GNAO1: variants seen among roughly 807,000 people sequenced by gnomAD.
The protein encoded by GNAO1 is G protein subunit alpha o1, also known as guanine nucleotide-binding protein G(o) subunit alpha.
For synonymous variants in GNAO1, 164 were observed against 180.7 expected, an observed-to-expected ratio of 0.91 and a Z score of 0.74; for missense variants, 166 against 478.7, an observed-to-expected ratio of 0.35 and a Z score of 6.10.
intron 2 of GNAO1, among the ~76,000 whole-genome samples, chr16:56,205,552 T>C (rs1401688999): frequency 6.6e-6 from 1 of 152,228 alleles, no homozygotes; most frequent in Non-Finnish European, 1.5e-5. Context: ...CCATTCTTCC[T>C]ACTCTTAATT....
intron 6 of GNAO1, chr16:56,346,988 A>C: frequency 3.0e-6 from 3 of 985,416 alleles, no homozygotes; most frequent in Non-Finnish European, 3.6e-6. Flanking sequence ...GTTAGCACCC[A>C]GGGGTTGATT....
rs369316126 is a variant in GNAO1, at chr16:56,257,177, G to C, written c.162-18754G>C. ...GAAGGCTGAAAGGGGACTGGGTTTG[G>C]GGGGGGGAAATTAGAAGTTCAGTTA... On this transcript the variant is annotated intron_variant, in intron 2 of 8. Coordinates refer to ENST00000262493, the MANE Select transcript of GNAO1 (RefSeq NM_020988.3). Among the ~76,000 whole-genome samples, 26 of 151,608 alleles carry C rather than the reference G, an allele frequency of 1.7e-4. No individual in the cohort carries two copies. The East Asian group carries it at 1.9e-3, about 11-fold the overall frequency.
intron 6 of GNAO1, among the ~76,000 whole-genome samples, chr16:56,338,879 C>T (rs948637162): frequency 5.9e-5 from 9 of 152,358 alleles, no homozygotes; most frequent in African/African-American, 2.2e-4. Flanking sequence ...ACTTGCCCTC[C>T]GGTCTTCTCC....
At chr16:56,314,737 C>G (rs974505671) in intron 3 of GNAO1, among the ~76,000 whole-genome samples, 5 of 152,176 alleles carry the variant, frequency 3.3e-5, no homozygotes, top group Non-Finnish European at 7.4e-5. Flanking sequence ...AATGTTAACA[C>G]TGTTAGGAAG....
intron 2 of GNAO1, among the ~76,000 whole-genome samples, chr16:56,254,241 C>A (rs1374898735): frequency 2.6e-5 from 4 of 152,012 alleles, no homozygotes; most frequent in African/African-American, 9.7e-5. Context: ...TCTCTGTTAT[C>A]TTAATTTTTG....
rs140264708 is a variant in GNAO1, at chr16:56,331,590, G to A, written c.464+2799G>A. Among the ~76,000 whole-genome samples the A allele has an allele frequency of 4.0e-3, 603 of 152,058 alleles. 4 individuals carry two copies. The highest frequency in any genetic ancestry group is 0.014 in the African/African-American group (567 of 41,460). On this transcript the variant is annotated intron_variant, in intron 4 of 8. Coordinates refer to ENST00000262493, the MANE Select transcript of GNAO1 (RefSeq NM_020988.3). ...TCACTCCCAGCCCCCGCCTCCTCTC[G>A]GGCCGCCCTTTCCAGACTCCCTCGA...
chr16:56,321,152 G>A (rs558815565), intron 3 of GNAO1, among the ~76,000 whole-genome samples: 1 of 152,290 alleles, frequency 6.6e-6, no homozygotes, highest in East Asian at 1.9e-4. Flanking sequence ...CAGGAGGTAG[G>A]CCACACATTA....
chr16:56,232,427 A>G (rs1239450708), intron 2 of GNAO1, among the ~76,000 whole-genome samples: 1 of 152,178 alleles, frequency 6.6e-6, no homozygotes, highest in East Asian at 1.9e-4. Context: ...CTCCCCTCAG[A>G]AGAGTTGTAA....
chr16:56,331,857 A>G (rs2037691812), intron 4 of GNAO1, among the ~76,000 whole-genome samples: 1 of 152,086 alleles, frequency 6.6e-6, no homozygotes, highest in Non-Finnish European at 1.5e-5. Flanking sequence ...AATGAGTCTC[A>G]AGTTAACATG....
chr16:56,338,381 C>T (rs564568630), intron 6 of GNAO1, among the ~76,000 whole-genome samples: 1 of 152,326 alleles, frequency 6.6e-6, no homozygotes, highest in South Asian at 2.1e-4. Context: ...CTTCCTGGGC[C>T]GTGCTTGGAC....
intron 2 of GNAO1, among the ~76,000 whole-genome samples, chr16:56,204,899 C>A (rs750905538): frequency 6.6e-6 from 1 of 152,168 alleles, no homozygotes; most frequent in South Asian, 2.1e-4. Flanking sequence ...AACTGGATCG[C>A]GTGATCTATA....
chr16:56,197,941 G>A (rs115969961), intron 2 of GNAO1, among the ~76,000 whole-genome samples: 34 of 152,184 alleles, frequency 2.2e-4, no homozygotes, highest in African/African-American at 7.5e-4. Context: ...GTCTCCTAGG[G>A]TGTTTTCATT....
intron 8 of GNAO1, 33 bp downstream of exon 8, chr16:56,355,114 G>C (rs1193091165): frequency 5.4e-6 from 5 of 931,278 alleles, no homozygotes; most frequent in Non-Finnish European, 8.3e-6. Flanking sequence ...AACAGCTTGC[G>C]TGCGCGCGCA....
chr16:56,251,510 A>G (rs1376659402), intron 2 of GNAO1, among the ~76,000 whole-genome samples: 1 of 152,242 alleles, frequency 6.6e-6, no homozygotes. Flanking sequence ...CAAAATAGCA[A>G]ATATTTTCCC....
chr16:56,335,467 A>C (rs1032216179), intron 5 of GNAO1, among the ~76,000 whole-genome samples: 7 of 152,282 alleles, frequency 4.6e-5, no homozygotes, highest in Middle Eastern at 6.8e-3. Context: ...ACATGCGTGC[A>C]CTGAGGCCTG....
intron 6 of GNAO1, among the ~76,000 whole-genome samples, chr16:56,338,747 T>C (rs1194830934): frequency 2.6e-5 from 4 of 152,236 alleles, no homozygotes; most frequent in African/African-American, 9.6e-5. Context: ...AAGGGACGTC[T>C]GGGTGAGCCT....
chr16:56,256,272 A>G (rs899273574), intron 2 of GNAO1, among the ~76,000 whole-genome samples: 5 of 152,154 alleles, frequency 3.3e-5, no homozygotes, highest in Non-Finnish European at 5.9e-5. Context: ...GCTACAGGGC[A>G]GGGGGTTGCA....
chr16:56,301,092 T>G (rs2143583722), intron 3 of GNAO1: 1 of 152,372 alleles, frequency 6.6e-6, no homozygotes, highest in South Asian at 2.1e-4. Flanking sequence ...CTCTGAGAGC[T>G]CTGAAGTCAG....
intron 2 of GNAO1, among the ~76,000 whole-genome samples, chr16:56,194,929 A>C (rs2036218046): frequency 6.6e-6 from 1 of 152,126 alleles, no homozygotes. Context: ...GGAAATCTTA[A>C]ATGAAGGCTG....
Sources: gnomAD v4.1 joint callset for allele counts (sites outside exome capture counted in the v4.1 genomes callset) on GRCh38, gnomAD v4.1.1 for gene constraint, MANE v1.5 for transcripts, NCBI Gene and HGNC (gene_info 2026-07-23, HGNC 2026-07-21) for gene names.